The following ADGRE3 variants were observed in gnomAD, a reference collection of about 807,000 sequenced individuals.
The protein encoded by ADGRE3 is adhesion G protein-coupled receptor E3.
A neutral mutation model predicts 80.1 loss-of-function variants in ADGRE3; 88 were observed. That is an observed-to-expected ratio of 1.10 (90% CI 0.93 to 1.31). The LOEUF (loss-of-function observed/expected upper bound fraction) is 1.31, where lower values mean the gene tolerates loss of function less well. Ranked by LOEUF, ADGRE3 falls within the 40% of genes most tolerant of loss-of-function variation. The probability of loss-of-function intolerance (pLI) is 0.00; values close to 1 mark genes in which losing one functional copy is unlikely to be tolerated. For synonymous variants in ADGRE3, 281 were observed against 294.8 expected (o/e 0.95, Z 0.48); for missense variants, 715 against 776.5 (o/e 0.92, Z 0.94).
At chr19:14,653,718 G>T (rs999414889) in intron 6 of ADGRE3, among the ~76,000 whole-genome samples, 7 of 151,380 alleles carry the variant, frequency 4.6e-5, no homozygotes, top group Non-Finnish European at 8.8e-5. Flanking sequence ...GACCTCATTT[G>T]CACACCACCA....
chr19:14,659,040 TC>T (rs569590418), intron 4 of ADGRE3, among the ~76,000 whole-genome samples: 3 of 135,170 alleles, frequency 2.2e-5, no homozygotes, highest in Non-Finnish European at 1.6e-5. Flanking sequence ...GCTTTTTTTT[TC>T]CCTTTTTTTT....
intron 2 of ADGRE3, 85 bp from the exon 3 acceptor site, chr19:14,663,625 G>A (rs1261710350): frequency 2.2e-5 from 32 of 1,465,202 alleles, no homozygotes; most frequent in Non-Finnish European, 2.9e-5. Context: ...GATCACCTGA[G>A]GTCAGGAGTT....
At chr19:14,671,410 C>T (rs1307870281) in intron 1 of ADGRE3, among the ~76,000 whole-genome samples, 1 of 152,128 alleles carries the variant, frequency 6.6e-6, no homozygotes, top group African/African-American at 2.4e-5. Context: ...TTAAATCCAG[C>T]AGCACAGCAT....
chr19:14,672,646 G>A (rs992017236), intron 1 of ADGRE3, among the ~76,000 whole-genome samples: 1 of 152,040 alleles, frequency 6.6e-6, no homozygotes, highest in Non-Finnish European at 1.5e-5. Context: ...TTTGAGCTCT[G>A]TTGCTCAGGC....
At chr19:14,617,345 T>C (rs547070957), downstream of ADGRE3, among the ~76,000 whole-genome samples, 2,172 of 41,156 alleles carry the variant, frequency 0.053, 36 homozygotes, top group Non-Finnish European at 0.063. Context: ...TCCCTCCCTT[T>C]CTTTCTTTCT....
chr19:14,659,980 G>A (rs1444644790), intron 4 of ADGRE3, among the ~76,000 whole-genome samples: 1 of 151,890 alleles, frequency 6.6e-6, no homozygotes. Flanking sequence ...TTTTAATACT[G>A]AACATTTTAT....
chr19:14,664,850 C>T (rs906317964), intron 2 of ADGRE3, among the ~76,000 whole-genome samples: 4 of 152,030 alleles, frequency 2.6e-5, no homozygotes, highest in Non-Finnish European at 1.5e-5. Flanking sequence ...AAAAATCCAA[C>T]AATAAGTCTC....
intron 15 of ADGRE3, among the ~76,000 whole-genome samples, chr19:14,620,548 T>TGAA: frequency 7.6e-4 from 19 of 24,964 alleles, no homozygotes; most frequent in Non-Finnish European, 1.0e-3. Context: ...TATATATATA[T>TGAA]TATATATATA....
chr19:14,644,120 G>A lies in ADGRE3; in HGVS notation c.1038C>T (p.Ala346=). 1 of 1,546,256 alleles carries A rather than the reference G, an allele frequency of 6.5e-7. No homozygotes were observed. Among genetic ancestry groups the A allele is most frequent in the Non-Finnish European group, 8.7e-7 (1 of 1,146,132 alleles). ...ATATACATCATACCTGGCTGGTCAG[G>A]GCCATCAGGACAGCGAAGCTGGACA... is the stretch of plus-strand genomic sequence containing the variant. ...SHLSSFAVLM[A]LTSQEEDPVL... Residue 346 remains alanine, a synonymous_variant, in exon 9 of 16, where the codon GCC becomes GCT. Transcript: ENST00000253673.
In ADGRE3 at chr19:14,663,517, T is replaced by G; in HGVS notation, c.100A>C (p.Asn34His). ...TKTSCAKCPP[N>H]ASCVNNTHCT... Reference sequence around the variant, plus strand: ...TGAGTGTTATTGACACAGGAAGCATTTGGGGGGCACTTAGCACAGGAAGCT... The same window carrying G: ...TGAGTGTTATTGACACAGGAAGCATGTGGGGGGCACTTAGCACAGGAAGCT... The change falls in exon 3 of 16, where the codon AAT becomes CAT. Residue 34 changes from asparagine to histidine, a missense_variant. By Grantham distance (68) the Asn-to-His change is moderately conservative. Transcript: ENST00000253673. The G allele has an allele frequency of 6.2e-7, 1 of 1,613,158 alleles. No individual in the cohort carries two copies. The highest frequency in any genetic ancestry group is 1.7e-5 in the Admixed American group (1 of 59,962).
intron 5 of ADGRE3, among the ~76,000 whole-genome samples, chr19:14,656,238 G>A (rs1279332238): frequency 6.6e-6 from 1 of 151,508 alleles, no homozygotes; most frequent in Non-Finnish European, 1.5e-5. Context: ...CCAGCTAGTT[G>A]GGATGCTGAG....
chr19:14,662,909 A>C (rs1971991703), intron 3 of ADGRE3, among the ~76,000 whole-genome samples: 1 of 76,292 alleles, frequency 1.3e-5, no homozygotes, highest in Non-Finnish European at 3.6e-5. Flanking sequence ...TCTACAAAAA[A>C]AAAAAAAAAA....
chr19:14,645,564 C>G (rs989994736), intron 8 of ADGRE3, among the ~76,000 whole-genome samples: 1 of 151,686 alleles, frequency 6.6e-6, no homozygotes, highest in East Asian at 1.9e-4. Flanking sequence ...GAGGCTGAGG[C>G]AGGAGAATCG....
chr19:14,644,093 A>G lies in ADGRE3; in HGVS notation c.1050+15T>C. 1 of 1,445,770 alleles carries G rather than the reference A, an allele frequency of 6.9e-7. No individual in the cohort carries two copies. The highest frequency in any genetic ancestry group is 1.5e-5 in the South Asian group (1 of 67,014). The allele number at this position is 1,445,770 out of a possible 1,614,324, so 89.6% of individuals were successfully genotyped here. On this transcript the variant is annotated intron_variant, in intron 9 of 15. Coordinates refer to ENST00000253673, the MANE Select transcript of ADGRE3 (RefSeq NM_032571.5). Reference sequence around the variant, plus strand: ...AGAAAGTATTTGCTGGAAGAATAAAACATATACATCATACCTGGCTGGTCA... The same window carrying G: ...AGAAAGTATTTGCTGGAAGAATAAAGCATATACATCATACCTGGCTGGTCA...
chr19:14,602,944 AG>A, the ADGRE3 span, among the ~76,000 whole-genome samples: 1 of 152,088 alleles, frequency 6.6e-6, no homozygotes, highest in Non-Finnish European at 1.5e-5. Flanking sequence ...CATGTTGGCC[AG>A]ATTGGTCTCG....
intron 6 of ADGRE3, 84 bp downstream of exon 6, chr19:14,654,898 T>C: frequency 9.3e-7 from 1 of 1,079,484 alleles, no homozygotes; most frequent in Non-Finnish European, 1.3e-6. Context: ...TGTGGTGTAT[T>C]CAATTTTTTT....
chr19:14,612,834 A>T, the ADGRE3 span, among the ~76,000 whole-genome samples: 2 of 151,682 alleles, frequency 1.3e-5, no homozygotes, highest in Non-Finnish European at 2.9e-5. Context: ...GGCTGGTACT[A>T]CTCCCAGCTA....
At chr19:14,649,536 ATC>A (rs1971527066) in intron 7 of ADGRE3, among the ~76,000 whole-genome samples, 2 of 120,300 alleles carry the variant, frequency 1.7e-5, no homozygotes, top group African/African-American at 6.5e-5. Flanking sequence ...CCCTCTTTTC[ATC>A]TCTTTCTCCC....
chr19:14,643,036 C>T (rs1398840321), intron 9 of ADGRE3, among the ~76,000 whole-genome samples: 1 of 152,162 alleles, frequency 6.6e-6, no homozygotes, highest in Non-Finnish European at 1.5e-5. Context: ...AACCAATTTA[C>T]AACCCCACCA....
Sources: gnomAD v4.1 joint callset for allele counts (sites outside exome capture counted in the v4.1 genomes callset) on GRCh38, gnomAD v4.1.1 for gene constraint, MANE v1.5 for transcripts, NCBI Gene and HGNC (gene_info 2026-07-23, HGNC 2026-07-21) for gene names.